NBAS: variants seen among roughly 807,000 people sequenced by gnomAD.
The protein encoded by NBAS is NAG/BC035112 fusion.
NBAS carries 219 observed loss-of-function variants against 302.5 expected under a neutral mutation model. That is an observed-to-expected ratio of 0.72 (90% confidence interval 0.65 to 0.81). The LOEUF is 0.81. Among genes scored for constraint, NBAS ranks in the 30% least tolerant of loss-of-function variants. The pLI, the probability that NBAS is intolerant of heterozygous loss-of-function variation, is 0.00. For synonymous variants in NBAS, 1,118 were observed against 1,021.6 expected, an observed-to-expected ratio of 1.09 and a Z score of -1.80; for missense variants, 2,932 against 2,841.6, an observed-to-expected ratio of 1.03 and a Z score of -0.72.
rs1467635080 is a variant in NBAS at position 15,453,631 on chromosome 2, A to T, written c.2339+7570T>A. Among the ~76,000 whole-genome samples, 4 of 152,206 alleles carry T rather than the reference A, an allele frequency of 2.6e-5. No individual in the cohort carries two copies. In the South Asian group the frequency reaches 6.2e-4, roughly 24 times the overall value. On this transcript the variant is annotated intron_variant, in intron 21 of 51. Coordinates refer to ENST00000281513, the MANE Select transcript of NBAS (RefSeq NM_015909.4). ...AAAGAAAAATGGCAACACCGAAAAC[A>T]TATTTTCATACTTTACTCAATTACA...
the NBAS span, among the ~76,000 whole-genome samples, chr2:15,118,365 T>G: frequency 2.0e-5 from 3 of 152,326 alleles, no homozygotes; most frequent in African/African-American, 7.2e-5. Context: ...TCTCAGCCAT[T>G]GTCATCACTG....
rs373557064 is a variant in NBAS, at chr2:15,248,198, T to A, written c.5725-9512A>T. On this transcript the variant is annotated intron_variant, in intron 44 of 51. Coordinates refer to ENST00000281513, the MANE Select transcript of NBAS (RefSeq NM_015909.4). The stretch of plus-strand genomic sequence containing the variant: ...GGAAACAGAACAACCTGCTCCTGAA[T>A]GACTACTCGGTGAATAACAAAATGA... Among the ~76,000 whole-genome samples, 12 of 152,182 alleles carry A rather than the reference T, an allele frequency of 7.9e-5. No homozygotes were observed. The East Asian group carries it at 2.1e-3, about 27-fold the overall frequency.
chr2:15,276,702 G>T, intron 43 of NBAS, 149 bp downstream of exon 43: 1 of 1,178,834 alleles, frequency 8.5e-7, no homozygotes, highest in Non-Finnish European at 1.2e-6. Context: ...TGAAAGAGTT[G>T]GAAAGATAAT....
At chr2:15,450,749 A>C (rs1422959793) in intron 21 of NBAS, among the ~76,000 whole-genome samples, 1 of 152,244 alleles carries the variant, frequency 6.6e-6, no homozygotes, top group Non-Finnish European at 1.5e-5. Flanking sequence ...AAGTGAAACA[A>C]TATAAAGCAA....
the NBAS span, among the ~76,000 whole-genome samples, chr2:14,915,333 G>A: frequency 7.9e-5 from 12 of 152,324 alleles, no homozygotes; most frequent in African/African-American, 2.9e-4. Flanking sequence ...CTAAGGTCAG[G>A]AAGAGCTGCA....
intron 40 of NBAS, among the ~76,000 whole-genome samples, chr2:15,299,197 A>C (rs753123591): frequency 1.3e-5 from 2 of 152,248 alleles, no homozygotes; most frequent in Non-Finnish European, 2.9e-5. Context: ...AGGCTGCAAA[A>C]ACTAACAGCA....
At chr2:15,192,235 T>C (rs1419746133) in intron 48 of NBAS, among the ~76,000 whole-genome samples, 5 of 92,114 alleles carry the variant, frequency 5.4e-5, no homozygotes, top group Non-Finnish European at 7.6e-5. Flanking sequence ...GAAGAGGCTA[T>C]TTTTTTTTTT....
chr2:14,804,655 T>A, the NBAS span, among the ~76,000 whole-genome samples: 1 of 152,188 alleles, frequency 6.6e-6, no homozygotes, highest in South Asian at 2.1e-4. Context: ...CTATAAGGAA[T>A]AATGAGTGAA....
At chr2:15,459,496 A>ATTTTTTT (rs576706526) in intron 21 of NBAS, among the ~76,000 whole-genome samples, 4 of 73,412 alleles carry the variant, frequency 5.4e-5, no homozygotes, top group Non-Finnish European at 9.6e-5. Context: ...CATCCTGAGC[A>ATTTTTTT]TTTTTTCTTT....
intron 11 of NBAS, among the ~76,000 whole-genome samples, chr2:15,501,124 A>T (rs1661524762): frequency 6.6e-6 from 1 of 151,148 alleles, no homozygotes; most frequent in African/African-American, 2.4e-5. Context: ...ACATGGTGAA[A>T]CCTCATATCT....
intron 10 of NBAS, among the ~76,000 whole-genome samples, chr2:15,508,266 C>T (rs541703525): frequency 6.6e-6 from 1 of 152,258 alleles, no homozygotes; most frequent in African/African-American, 2.4e-5. Flanking sequence ...AATACCGAAG[C>T]CTCAGGCCAC....
At chr2:15,260,351 T>C (rs1195565463) in intron 44 of NBAS, among the ~76,000 whole-genome samples, 1 of 152,224 alleles carries the variant, frequency 6.6e-6, no homozygotes, top group Admixed American at 6.5e-5. Context: ...CCCTGGCTCT[T>C]ATCAGGCTTA....
chr2:14,872,630 G>T, the NBAS span, among the ~76,000 whole-genome samples: 1 of 151,808 alleles, frequency 6.6e-6, no homozygotes, highest in Non-Finnish European at 1.5e-5. Context: ...AGACCTTCGG[G>T]GTGAGTGTTA....
intron 25 of NBAS, among the ~76,000 whole-genome samples, chr2:15,404,244 T>A (rs1019575476): frequency 6.6e-6 from 1 of 152,132 alleles, no homozygotes; most frequent in Non-Finnish European, 1.5e-5. Context: ...AACCAGGCAA[T>A]TGGCTCCAGA....
chr2:14,803,068 C>CA, the NBAS span, among the ~76,000 whole-genome samples: 1 of 152,128 alleles, frequency 6.6e-6, no homozygotes, highest in South Asian at 2.1e-4. Context: ...AAAATAAAAA[C>CA]AATTTGACAC....
chr2:15,532,555 C>A (rs1156824366), intron 9 of NBAS, among the ~76,000 whole-genome samples: 1 of 139,370 alleles, frequency 7.2e-6, no homozygotes, highest in Non-Finnish European at 1.6e-5. Context: ...AACAGGAGAA[C>A]AAAGTGAAAA....
the NBAS span, among the ~76,000 whole-genome samples, chr2:14,954,415 A>G: frequency 6.2e-3 from 942 of 152,296 alleles, 11 homozygotes; most frequent in African/African-American, 0.022. Context: ...GGCGACCAGC[A>G]GGCAGGACAC....
chr2:15,455,821 G>A (rs1375682148), intron 21 of NBAS, among the ~76,000 whole-genome samples: 1 of 150,834 alleles, frequency 6.6e-6, no homozygotes, highest in Non-Finnish European at 1.5e-5. Flanking sequence ...TCAAAATACA[G>A]TCTTTTTAAC....
chr2:15,192,174 G>A (rs1665389100), intron 48 of NBAS, among the ~76,000 whole-genome samples: 1 of 151,298 alleles, frequency 6.6e-6, no homozygotes, highest in Admixed American at 6.6e-5. Flanking sequence ...TCTTCCGTAA[G>A]AAATGTAAGA....
Sources: gnomAD v4.1 joint callset for allele counts (sites outside exome capture counted in the v4.1 genomes callset) on GRCh38, gnomAD v4.1.1 for gene constraint, MANE v1.5 for transcripts, NCBI Gene and HGNC (gene_info 2026-07-23, HGNC 2026-07-21) for gene names.